CTNNA2: variants seen among roughly 807,000 people sequenced by gnomAD.
CTNNA2 encodes the protein catenin alpha 2, also known as catenin alpha-2.
Under a neutral mutation model 101.0 loss-of-function variants are expected in CTNNA2, and 42 were observed. That is an observed-to-expected ratio of 0.42 (90% CI 0.32 to 0.54). CTNNA2 has a LOEUF of 0.54. Among genes scored for constraint, CTNNA2 ranks in the 20% least tolerant of loss-of-function variants. The pLI is 0.14. For missense variants in CTNNA2, 871 were observed against 1,223.1 expected, an observed-to-expected ratio of 0.71 and a Z score of 4.29; for synonymous variants, 450 against 456.4, an observed-to-expected ratio of 0.99 and a Z score of 0.18.
chr2:79,271,448 C>A (rs1180159162), intron 2 of CTNNA2, among the ~76,000 whole-genome samples: 1 of 152,066 alleles, frequency 6.6e-6, no homozygotes, highest in Non-Finnish European at 1.5e-5. Context: ...CTGGCCATAG[C>A]ACAGGGACAG....
intron 4 of CTNNA2, among the ~76,000 whole-genome samples, chr2:79,413,934 CATAT>C (rs70940033): frequency 0.019 from 2,698 of 139,716 alleles, 43 homozygotes; most frequent in East Asian, 0.07. Context: ...GAGCTGAATT[CATAT>C]ATATATATAT....
chr2:80,538,888 T>C (rs1299920875), intron 9 of CTNNA2, among the ~76,000 whole-genome samples: 1 of 152,214 alleles, frequency 6.6e-6, no homozygotes, highest in Non-Finnish European at 1.5e-5. Flanking sequence ...GTTTGTGTTC[T>C]CTCTTATTTC....
chr2:80,015,818 G>T (rs1694103590), intron 7 of CTNNA2, among the ~76,000 whole-genome samples: 1 of 152,174 alleles, frequency 6.6e-6, no homozygotes, highest in African/African-American at 2.4e-5. Context: ...TTCAATTTGG[G>T]TTCCATCTAA....
At chr2:80,079,848 A>AAAATAAAATAAAAT (rs1491400308) in intron 7 of CTNNA2, among the ~76,000 whole-genome samples, 3 of 91,748 alleles carry the variant, frequency 3.3e-5, no homozygotes, top group African/African-American at 1.3e-4. Context: ...AAAATAAAAT[A>AAAATAAAATAAAAT]AAATAAAATA....
chr2:80,597,110 A>C (rs1697051315), intron 15 of CTNNA2, among the ~76,000 whole-genome samples: 1 of 152,160 alleles, frequency 6.6e-6, no homozygotes, highest in Non-Finnish European at 1.5e-5. Flanking sequence ...TCAGTTTGCC[A>C]GTATTTAACT....
At chr2:79,259,287 A>G (rs1573002847) in intron 2 of CTNNA2, among the ~76,000 whole-genome samples, 1 of 152,022 alleles carries the variant, frequency 6.6e-6, no homozygotes, top group South Asian at 2.1e-4. Flanking sequence ...TTACTTCTCC[A>G]CCCCCTCCTA....
intron 2 of CTNNA2, among the ~76,000 whole-genome samples, chr2:79,686,967 A>G (rs186140410): frequency 2.0e-5 from 3 of 152,192 alleles, no homozygotes; most frequent in Non-Finnish European, 2.9e-5. Context: ...TGTTAGCATA[A>G]TCAGCTTATG....
At chr2:80,161,127 C>A (rs1042883303) in intron 7 of CTNNA2, among the ~76,000 whole-genome samples, 1 of 152,044 alleles carries the variant, frequency 6.6e-6, no homozygotes, top group Non-Finnish European at 1.5e-5. Flanking sequence ...TCACTGAAAC[C>A]TCCCCGCCTC....
chr2:79,760,714 G>A (rs1672733236), intron 3 of CTNNA2, among the ~76,000 whole-genome samples: 1 of 152,208 alleles, frequency 6.6e-6, no homozygotes, highest in African/African-American at 2.4e-5. Context: ...TAATTGATAA[G>A]TAATGCTATG....
chr2:79,502,602 G>A (rs1198715899), intron 4 of CTNNA2, among the ~76,000 whole-genome samples: 1 of 152,142 alleles, frequency 6.6e-6, no homozygotes, highest in Non-Finnish European at 1.5e-5. Context: ...AATCGTTGAA[G>A]CTGAGTGCTG....
rs369750580 is a variant in CTNNA2, at chr2:79,975,491, G to A, written c.1056+65694G>A. 5.9e-5 allele frequency among the ~76,000 whole-genome samples: 9 copies of A among 152,090 alleles called. No individual in the cohort carries two copies. In the South Asian group the frequency reaches 6.2e-4, roughly 11 times the overall value. On this transcript the variant is annotated intron_variant, in intron 7 of 18. Coordinates refer to ENST00000402739, the MANE Select transcript of CTNNA2 (RefSeq NM_001282597.3). ...TACGTCAATTCGGTTCTGACCTAGA[G>A]GTAGTGTCAGATCCTACAGGTTGAG...
At chr2:79,253,091 C>T (rs1674794316) in intron 2 of CTNNA2, among the ~76,000 whole-genome samples, 1 of 152,130 alleles carries the variant, frequency 6.6e-6, no homozygotes, top group Admixed American at 6.5e-5. Context: ...CTTAGGACAG[C>T]CTAACTTCTC....
At chr2:80,646,091 GTGGGA>G (rs1674058859) in intron 18 of CTNNA2, among the ~76,000 whole-genome samples, 1 of 152,092 alleles carries the variant, frequency 6.6e-6, no homozygotes, top group African/African-American at 2.4e-5. Flanking sequence ...TCAATACTGC[GTGGGA>G]CATATTTTGT....
At chr2:80,160,659 A>G (rs899792460) in intron 7 of CTNNA2, among the ~76,000 whole-genome samples, 3 of 152,156 alleles carry the variant, frequency 2.0e-5, no homozygotes, top group South Asian at 2.1e-4. Flanking sequence ...GAACTCCCTT[A>G]TGAGTTCTAG....
At chr2:79,521,537 C>A (rs771815945) in intron 1 of CTNNA2, among the ~76,000 whole-genome samples, 1 of 152,100 alleles carries the variant, frequency 6.6e-6, no homozygotes, top group African/African-American at 2.4e-5. Flanking sequence ...ATGATAGGCG[C>A]TTAGACTAAA....
At position 80,526,911 on chromosome 2, in the gene CTNNA2, T is replaced by A. The variant is rs552704862; in HGVS notation, c.1291-18071T>A. Reference sequence around the variant, plus strand: ...GAATCCTGCAAGAACTATGGAGTTTTAAAAAAAATCCTTTTGTCACCCTTC... The same window carrying A: ...GAATCCTGCAAGAACTATGGAGTTTAAAAAAAAATCCTTTTGTCACCCTTC... On this transcript the variant is annotated intron_variant, in intron 9 of 18. Transcript: ENST00000402739. 1.2e-4 allele frequency among the ~76,000 whole-genome samples: 19 copies of A among 152,244 alleles called. No homozygotes were observed. The East Asian group carries it at 1.5e-3, about 12-fold the overall frequency.
At chr2:80,075,680 TAAAA>T (rs539474325) in intron 7 of CTNNA2, among the ~76,000 whole-genome samples, 2 of 78,452 alleles carry the variant, frequency 2.5e-5, no homozygotes, top group Non-Finnish European at 4.6e-5. Flanking sequence ...ATAAATATTA[TAAAA>T]ATAATATTTA....
At chr2:80,575,569 T>C (rs1694972930) in intron 13 of CTNNA2, among the ~76,000 whole-genome samples, 1 of 152,188 alleles carries the variant, frequency 6.6e-6, no homozygotes, top group Admixed American at 6.6e-5. Flanking sequence ...AGATCATTTT[T>C]GTACTAACTT....
intron 1 of CTNNA2, among the ~76,000 whole-genome samples, chr2:79,648,898 A>G (rs533226929): frequency 6.6e-6 from 1 of 152,314 alleles, no homozygotes; most frequent in African/African-American, 2.4e-5. Context: ...ACTTCAACAA[A>G]TTAGTACCGT....
Sources: gnomAD v4.1 joint callset for allele counts (sites outside exome capture counted in the v4.1 genomes callset) on GRCh38, gnomAD v4.1.1 for gene constraint, MANE v1.5 for transcripts, NCBI Gene and HGNC (gene_info 2026-07-23, HGNC 2026-07-21) for gene names.